Variants in MSANTD2 observed in about 807,000 individuals in gnomAD.
The protein encoded by MSANTD2 is myb/SANT-like DNA-binding domain-containing protein 2.
In MSANTD2, 19 loss-of-function variants were observed where a neutral mutation model predicts 52.6. The ratio of observed to expected loss-of-function variants is 0.36; its 90% confidence interval spans 0.25 to 0.53. The LOEUF (loss-of-function observed/expected upper bound fraction) is 0.53, where lower values mean the gene tolerates loss of function less well. Among genes scored for constraint, MSANTD2 ranks in the 20% least tolerant of loss-of-function variants. The pLI is 0.91. For synonymous variants in MSANTD2, 291 were observed against 289.7 expected (o/e 1.00, Z -0.04); for missense variants, 558 against 716.3 (o/e 0.78, Z 2.52).
At chr11:124,783,915 T>G in intron 1 of MSANTD2, 1 of 985,428 alleles carries the variant, frequency 1.0e-6, no homozygotes, top group Non-Finnish European at 1.2e-6. Flanking sequence ...TGATCTCAGA[T>G]GAGCAGTAAT....
chr11:124,791,242 A>G (rs1005663095), intron 1 of MSANTD2: 3 of 1,430,672 alleles, frequency 2.1e-6, no homozygotes, highest in Non-Finnish European at 3.0e-6. Context: ...CAATGGGGTC[A>G]CAACAAGCAA....
intron 3 of MSANTD2, among the ~76,000 whole-genome samples, chr11:124,770,762 C>T (rs925079308): frequency 2.7e-5 from 4 of 150,262 alleles, no homozygotes; most frequent in African/African-American, 7.4e-5. Context: ...TGTGCCACCA[C>T]GCCCAGCTAA....
chr11:124,786,428 T>C (rs1945164704), intron 1 of MSANTD2, among the ~76,000 whole-genome samples: 1 of 152,230 alleles, frequency 6.6e-6, no homozygotes, highest in African/African-American at 2.4e-5. Context: ...AGGTAAACAA[T>C]GGCAGGCATA....
At chr11:124,784,247 G>C in intron 1 of MSANTD2, 3 of 985,318 alleles carry the variant, frequency 3.0e-6, no homozygotes, top group Non-Finnish European at 3.6e-6. Context: ...AAGTTGCTAA[G>C]TCAGCACCTC....
chr11:124,775,897 A>G (rs1316747828), intron 1 of MSANTD2: 1 of 152,220 alleles, frequency 6.6e-6, no homozygotes, highest in East Asian at 1.9e-4. Flanking sequence ...ATTTCTGATT[A>G]TTAGCCCAGT....
At chr11:124,793,311 C>A (rs997809691) in intron 1 of MSANTD2, among the ~76,000 whole-genome samples, 2 of 152,292 alleles carry the variant, frequency 1.3e-5, no homozygotes, top group Middle Eastern at 6.8e-3. Context: ...TTATTCAGTA[C>A]ATTTTATCGC....
At chr11:124,793,176 T>C (rs969236787) in intron 1 of MSANTD2, among the ~76,000 whole-genome samples, 9 of 152,198 alleles carry the variant, frequency 5.9e-5, no homozygotes, top group African/African-American at 2.2e-4. Context: ...ACAAAAACAA[T>C]ATAGGCCAGT....
chr11:124,780,107 T>A (rs1036298129), intron 1 of MSANTD2, among the ~76,000 whole-genome samples: 1 of 152,224 alleles, frequency 6.6e-6, no homozygotes, highest in Non-Finnish European at 1.5e-5. Context: ...TATATTTTGT[T>A]ACTGTGAGCA....
chr11:124,798,234 T>TAAAAAAAAAAAAAAAAAAAAA (rs10601418), intron 1 of MSANTD2, among the ~76,000 whole-genome samples: 1 of 110,530 alleles, frequency 9.0e-6, no homozygotes, highest in African/African-American at 4.0e-5. Flanking sequence ...CCCTGTCTCT[T>TAAAAAAAAAAAAAAAAAAAAA]AAAAAAAAAA....
chr11:124,799,704 GA>G (rs1945622754), intron 1 of MSANTD2, among the ~76,000 whole-genome samples, 166 bp downstream of exon 1: 1 of 152,194 alleles, frequency 6.6e-6, no homozygotes, highest in African/African-American at 2.4e-5. Flanking sequence ...GGCCATCTGG[GA>G]AAAAGCCCCC....
At chr11:124,778,330 T>C (rs1226579696) in intron 1 of MSANTD2, among the ~76,000 whole-genome samples, 1 of 152,196 alleles carries the variant, frequency 6.6e-6, no homozygotes, top group Non-Finnish European at 1.5e-5. Flanking sequence ...AGCTTAATAG[T>C]TTCTAAAAAT....
At chr11:124,788,099 C>CAAAAA (rs1945217665) in intron 1 of MSANTD2, among the ~76,000 whole-genome samples, 2 of 137,960 alleles carry the variant, frequency 1.4e-5, no homozygotes, top group Non-Finnish European at 1.6e-5. Context: ...AAAAAAAAAG[C>CAAAAA]CAATTAATTA....
rs777715218 is a variant in MSANTD2, at chr11:124,800,310, G to A, written c.71C>T (p.Ser24Phe). ...GCTCAGGCCACCAGGAGAAGCCGGGGAAAGCACCTCCATCTTCGGAATTTT... is the reference window on the plus strand; with the variant it reads ...GCTCAGGCCACCAGGAGAAGCCGGGAAAAGCACCTCCATCTTCGGAATTTT... ...PLKIPKMEVL[S>F]PASPGGLSDG... The change falls in exon 1 of 4, where the codon TCC becomes TTC. Residue 24 changes from serine (S) to phenylalanine (F), a missense_variant. Transcript: ENST00000374979. The surrounding 1 kb of genome is among the most constrained non-coding windows in gnomAD (Gnocchi z 4.3). 3.2e-6 allele frequency: 5 copies of A among 1,566,700 alleles called. No homozygotes were observed. Among genetic ancestry groups the A allele is most frequent in the East Asian group, 2.6e-5 (1 of 38,492 alleles).
intron 1 of MSANTD2, among the ~76,000 whole-genome samples, chr11:124,788,570 T>C (rs901931110): frequency 2.0e-5 from 3 of 152,256 alleles, no homozygotes; most frequent in African/African-American, 7.2e-5. Flanking sequence ...GGCACAACTC[T>C]GACTGCTCAA....
Position 124,800,405 on chromosome 11 carries a change from G to A in MSANTD2, c.-25C>T. The stretch of plus-strand genomic sequence containing the variant: ...TCTTCCAAGCGGCCGCCGCTGCACC[G>A]CCCGGAAGTGACGCGCCCGCGCATC... On this transcript the variant is annotated 5_prime_UTR_variant, in exon 1 of 4. Coordinates refer to ENST00000374979, the MANE Select transcript of MSANTD2 (RefSeq NM_001308027.2). The surrounding 1 kb of genome is among the most constrained non-coding windows in gnomAD (Gnocchi z 4.3). 2.1e-6 allele frequency: 3 copies of A among 1,440,006 alleles called. No individual in the cohort carries two copies. The highest frequency in any genetic ancestry group is 1.5e-5 in the South Asian group (1 of 65,194). The allele number at this position is 1,440,006 out of a possible 1,614,324, so 89.2% of individuals were successfully genotyped here.
intron 1 of MSANTD2, chr11:124,783,905 T>C (rs1418940446): frequency 1.0e-6 from 1 of 985,400 alleles, no homozygotes; most frequent in Non-Finnish European, 1.2e-6. Flanking sequence ...ACTCATACAA[T>C]GATCTCAGAT....
chr11:124,793,110 TCC>T (rs927312575), intron 1 of MSANTD2, among the ~76,000 whole-genome samples: 2 of 152,066 alleles, frequency 1.3e-5, no homozygotes, highest in Non-Finnish European at 2.9e-5. Context: ...TTCCTGTCAT[TCC>T]CCCTCTTATT....
rs373504771 is a variant in MSANTD2, at chr11:124,794,792, T to C, written c.510+5079A>G. The stretch of plus-strand genomic sequence containing the variant: ...AGTACAAAATTTGTTCCAAAGATGA[T>C]GACAATTACTGATGAATAAATCTAA... On this transcript the variant is annotated intron_variant, in intron 1 of 3. Transcript: ENST00000374979. Among the ~76,000 whole-genome samples, 25 of 152,330 alleles carry C rather than the reference T, an allele frequency of 1.6e-4. 1 individual carries two copies. The East Asian group carries it at 4.8e-3, about 29-fold the overall frequency.
At chr11:124,786,851 A>C (rs1312022118) in intron 1 of MSANTD2, among the ~76,000 whole-genome samples, 2 of 152,244 alleles carry the variant, frequency 1.3e-5, no homozygotes, top group African/African-American at 4.8e-5. Context: ...GTTGCCAAAA[A>C]CATGACTTCA....
Sources: allele counts gnomAD v4.1 joint callset (sites outside exome capture counted in the v4.1 genomes callset), GRCh38; gene constraint gnomAD v4.1.1; non-coding constraint Gnocchi (gnomAD v3.1); transcripts MANE v1.5; gene names NCBI Gene and HGNC (gene_info 2026-07-23, HGNC 2026-07-21).